TAS2R1: variants seen among roughly 807,000 people sequenced by gnomAD.
TAS2R1 encodes taste receptor type 2 member 1.
For synonymous variants in TAS2R1, 141 were observed against 134.2 expected (o/e 1.05, Z -0.35); for missense variants, 370 against 353.4 (o/e 1.05, Z -0.38).
At chr5:9,700,012 T>C (rs1178541535) in intron 1 of TAS2R1, among the ~76,000 whole-genome samples, 2 of 152,188 alleles carry the variant, frequency 1.3e-5, no homozygotes, top group South Asian at 2.1e-4. Flanking sequence ...TATCAGGTAA[T>C]GCATTCCAGT....
chr5:9,755,344 T>C, the TAS2R1 span, among the ~76,000 whole-genome samples: 2 of 151,964 alleles, frequency 1.3e-5, no homozygotes, highest in Non-Finnish European at 2.9e-5. Context: ...TCCCAGCACT[T>C]TGGGAGGCTG....
the TAS2R1 span, among the ~76,000 whole-genome samples, chr5:9,899,138 A>G: frequency 6.6e-6 from 1 of 152,220 alleles, no homozygotes; most frequent in East Asian, 1.9e-4. Context: ...AAAATATTTT[A>G]GAGGAAAATT....
the TAS2R1 span, chr5:9,870,169 C>T: frequency 2.0e-5 from 3 of 152,216 alleles, no homozygotes; most frequent in South Asian, 4.1e-4. Flanking sequence ...CTTCTATTCT[C>T]ACTCTGTTCT....
At chr5:9,874,799 T>A in the TAS2R1 span, among the ~76,000 whole-genome samples, 1 of 152,148 alleles carries the variant, frequency 6.6e-6, no homozygotes, top group African/African-American at 2.4e-5. Flanking sequence ...TTTTTCCTTT[T>A]CTCAGTCAAG....
At chr5:9,750,352 T>G in the TAS2R1 span, among the ~76,000 whole-genome samples, 1 of 152,148 alleles carries the variant, frequency 6.6e-6, no homozygotes, top group Admixed American at 6.5e-5. Flanking sequence ...GCCCACACCT[T>G]TGCAAACTTA....
At chr5:9,768,594 C>T in the TAS2R1 span, among the ~76,000 whole-genome samples, 1 of 152,112 alleles carries the variant, frequency 6.6e-6, no homozygotes, top group African/African-American at 2.4e-5. Context: ...GACCTCCATC[C>T]CCTCCTTCTC....
At chr5:9,802,299 C>T in the TAS2R1 span, among the ~76,000 whole-genome samples, 2 of 152,298 alleles carry the variant, frequency 1.3e-5, no homozygotes, top group Middle Eastern at 3.4e-3. Context: ...AGTAGCTCCT[C>T]TGCGTGGCTA....
chr5:9,802,114 C>T, the TAS2R1 span, among the ~76,000 whole-genome samples: 1 of 152,144 alleles, frequency 6.6e-6, no homozygotes, highest in African/African-American at 2.4e-5. Flanking sequence ...GGCTGGCAGC[C>T]AACCAACACA....
At chr5:9,706,173 T>C (rs895570718) in intron 1 of TAS2R1, among the ~76,000 whole-genome samples, 2 of 152,234 alleles carry the variant, frequency 1.3e-5, no homozygotes, top group Non-Finnish European at 2.9e-5. Flanking sequence ...AATAATTATA[T>C]ACCTGCTACT....
At chr5:9,854,221 A>G in the TAS2R1 span, among the ~76,000 whole-genome samples, 172 of 150,464 alleles carry the variant, frequency 1.1e-3, no homozygotes, top group Middle Eastern at 0.01. Flanking sequence ...TTATGTACAC[A>G]TGTCATTCTT....
the TAS2R1 span, among the ~76,000 whole-genome samples, chr5:9,890,658 T>C: frequency 6.6e-6 from 1 of 152,256 alleles, no homozygotes; most frequent in Non-Finnish European, 1.5e-5. Context: ...CTACAAAGAC[T>C]GATATTTTAA....
chr5:9,688,398 ATGT>A (rs1173591011), intron 1 of TAS2R1, among the ~76,000 whole-genome samples: 1 of 152,120 alleles, frequency 6.6e-6, no homozygotes, highest in Admixed American at 6.5e-5. Flanking sequence ...GAATACATGG[ATGT>A]TGTTATCTTC....
At chr5:9,892,519 G>GC in the TAS2R1 span, among the ~76,000 whole-genome samples, 1 of 152,096 alleles carries the variant, frequency 6.6e-6, no homozygotes, top group East Asian at 1.9e-4. Context: ...TCCAGGTTGA[G>GC]CCCTGAACCA....
rs139274647 is a variant in TAS2R1 at position 9,644,695 on chromosome 5, T to C, written c.-80-14703A>G. On this transcript the variant is annotated intron_variant, in intron 2 of 2. Transcript: ENST00000506620. ...AAAGCCATGAGGTTGGTTAAGATTA[T>C]GTAGGGATGAGATTGCCAGCTGGAG... Among the ~76,000 whole-genome samples the C allele has an allele frequency of 4.7e-3, 718 of 152,254 alleles. 2 individuals carry two copies. The highest frequency in any genetic ancestry group is 0.017 in the African/African-American group (686 of 41,556).
chr5:9,715,113 T>C (rs140074988), upstream of TAS2R1, among the ~76,000 whole-genome samples: 20 of 152,226 alleles, frequency 1.3e-4, no homozygotes, highest in East Asian at 3.7e-3. Flanking sequence ...GAGGGAGAGA[T>C]TGGCACCTTG....
intron 1 of TAS2R1, among the ~76,000 whole-genome samples, chr5:9,697,685 G>T (rs1467070188): frequency 6.6e-6 from 1 of 152,076 alleles, no homozygotes; most frequent in East Asian, 1.9e-4. Context: ...GCCAAAAAAT[G>T]TTCAAAGAAT....
the TAS2R1 span, among the ~76,000 whole-genome samples, chr5:9,828,130 T>A: frequency 6.6e-6 from 1 of 152,082 alleles, no homozygotes; most frequent in African/African-American, 2.4e-5. Flanking sequence ...TTTTATTTAT[T>A]TATTTATTTT....
chr5:9,794,273 T>C, the TAS2R1 span, among the ~76,000 whole-genome samples: 1 of 152,220 alleles, frequency 6.6e-6, no homozygotes, highest in Non-Finnish European at 1.5e-5. Context: ...GTCTTTGAAG[T>C]TCAAGAGAAC....
chr5:9,775,967 C>T, the TAS2R1 span, among the ~76,000 whole-genome samples: 1 of 152,164 alleles, frequency 6.6e-6, no homozygotes, highest in African/African-American at 2.4e-5. Context: ...CTGGTGTCTC[C>T]CTAGGTTGCA....
Sources: gnomAD v4.1 joint callset for allele counts (sites outside exome capture counted in the v4.1 genomes callset) on GRCh38, gnomAD v4.1.1 for gene constraint, MANE v1.5 for transcripts, NCBI Gene and HGNC (gene_info 2026-07-23, HGNC 2026-07-21) for gene names.